Variants in MLLT3 observed in about 807,000 individuals in gnomAD.
MLLT3 encodes MLLT3 super elongation complex subunit, also known as protein AF-9.
Under a neutral mutation model 53.2 loss-of-function variants are expected in MLLT3, and 4 were observed. The ratio of observed to expected loss-of-function variants is 0.08; its 90% CI spans 0.04 to 0.17. MLLT3 has a LOEUF of 0.17. Ranked by LOEUF, MLLT3 falls within the 10% of genes least tolerant of loss-of-function variation. MLLT3 has a pLI of 1.00. For missense variants in MLLT3, 569 were observed against 684.0 expected, an observed-to-expected ratio of 0.83 and a Z score of 1.87; for synonymous variants, 283 against 230.6, an observed-to-expected ratio of 1.23 and a Z score of -2.06.
chr9:20,494,773 G>T (rs1586993876), intron 2 of MLLT3, among the ~76,000 whole-genome samples: 1 of 151,972 alleles, frequency 6.6e-6, no homozygotes, highest in Admixed American at 6.6e-5. Context: ...TACTCAAGGT[G>T]GTCCTGAGTT....
intron 2 of MLLT3, among the ~76,000 whole-genome samples, chr9:20,601,636 A>G (rs537990156): frequency 2.0e-5 from 3 of 152,322 alleles, no homozygotes; most frequent in East Asian, 1.9e-4. Context: ...TGTAGTTTCA[A>G]TGTGAGTACA....
At chr9:20,464,923 G>A (rs925587466) in intron 2 of MLLT3, among the ~76,000 whole-genome samples, 3 of 151,878 alleles carry the variant, frequency 2.0e-5, no homozygotes, top group South Asian at 2.1e-4. Flanking sequence ...TGATAATCTC[G>A]TTTCTCATAT....
intron 2 of MLLT3, among the ~76,000 whole-genome samples, chr9:20,549,544 T>C (rs1308523897): frequency 6.6e-6 from 1 of 152,202 alleles, no homozygotes; most frequent in Non-Finnish European, 1.5e-5. Context: ...GCAGGTACTT[T>C]ATGCGACCCA....
intron 2 of MLLT3, among the ~76,000 whole-genome samples, chr9:20,551,230 G>GA (rs1818918856): frequency 6.6e-6 from 1 of 152,184 alleles, no homozygotes; most frequent in Non-Finnish European, 1.5e-5. Context: ...GGCTCCCCAA[G>GA]AAAGAATAAT....
intron 5 of MLLT3, among the ~76,000 whole-genome samples, chr9:20,371,422 C>T (rs1399167590): frequency 1.3e-5 from 2 of 152,214 alleles, no homozygotes; most frequent in African/African-American, 4.8e-5. Context: ...GATAGGCTGA[C>T]ACTCTTTTTA....
At chr9:20,453,417 C>T (rs1017910310) in intron 3 of MLLT3, among the ~76,000 whole-genome samples, 93 of 152,010 alleles carry the variant, frequency 6.1e-4, no homozygotes, top group African/African-American at 2.2e-3. Flanking sequence ...AAAAATTAGC[C>T]GGGTCCGTGG....
intron 2 of MLLT3, among the ~76,000 whole-genome samples, chr9:20,484,874 C>T (rs1411654932): frequency 7.2e-5 from 11 of 152,060 alleles, no homozygotes; most frequent in South Asian, 2.1e-4. Context: ...ACATTTTGAA[C>T]GCAGTTAAAT....
intron 5 of MLLT3, among the ~76,000 whole-genome samples, chr9:20,406,437 AAT>A (rs1341022841): frequency 1.3e-5 from 2 of 152,256 alleles, no homozygotes; most frequent in Non-Finnish European, 2.9e-5. Context: ...GTAATGAAAG[AAT>A]ATTACAAACC....
intron 2 of MLLT3, among the ~76,000 whole-genome samples, chr9:20,563,788 G>A (rs935866847): frequency 6.6e-6 from 1 of 152,114 alleles, no homozygotes; most frequent in Non-Finnish European, 1.5e-5. Context: ...TGGGAAAGAC[G>A]TTGGCGTCCA....
In MLLT3 at chr9:20,369,121, A is replaced by C. The variant is rs190934161; in HGVS notation, c.1126-3377T>G. ...TTATAAAGCATCACAGGTAATGATG[A>C]TGCTGCAGGTCCAGGGACCAACCAT... On this transcript the variant is annotated intron_variant, in intron 5 of 10. Coordinates refer to ENST00000380338, the MANE Select transcript of MLLT3 (RefSeq NM_004529.4). Among the ~76,000 whole-genome samples, 854 of 152,320 alleles carry C rather than the reference A, an allele frequency of 5.6e-3. 9 individuals are homozygous for C. The highest frequency in any genetic ancestry group is 0.019 in the African/African-American group (810 of 41,570).
At chr9:20,412,894 G>T (rs1255595506) in intron 5 of MLLT3, among the ~76,000 whole-genome samples, 1 of 152,132 alleles carries the variant, frequency 6.6e-6, no homozygotes, top group African/African-American at 2.4e-5. Context: ...TACTACAGAG[G>T]TTAAAATAGA....
At chr9:20,443,297 T>G (rs988140071) in intron 4 of MLLT3, among the ~76,000 whole-genome samples, 1 of 152,210 alleles carries the variant, frequency 6.6e-6, no homozygotes, top group African/African-American at 2.4e-5. Context: ...GCTTGCCTAT[T>G]TTGTGCTTTC....
intron 2 of MLLT3, among the ~76,000 whole-genome samples, chr9:20,553,921 A>G (rs556610089): frequency 6.6e-6 from 1 of 152,276 alleles, no homozygotes; most frequent in African/African-American, 2.4e-5. Flanking sequence ...TACTAATTTG[A>G]GGAAAACTTC....
chr9:20,570,359 G>A (rs1286313638), intron 2 of MLLT3, among the ~76,000 whole-genome samples: 1 of 152,142 alleles, frequency 6.6e-6, no homozygotes, highest in African/African-American at 2.4e-5. Flanking sequence ...CAGAGTCAAA[G>A]TACTGTGTTT....
chr9:20,589,242 A>G (rs1820060633), intron 2 of MLLT3, among the ~76,000 whole-genome samples: 1 of 151,984 alleles, frequency 6.6e-6, no homozygotes, highest in African/African-American at 2.4e-5. Flanking sequence ...ACACCATGGA[A>G]TACTATGCAG....
chr9:20,438,818 C>T (rs1027435563), intron 4 of MLLT3, among the ~76,000 whole-genome samples: 64 of 152,104 alleles, frequency 4.2e-4, no homozygotes, highest in African/African-American at 1.4e-3. Context: ...ACCACAAGTT[C>T]ATGTAAAGGC....
chr9:20,553,571 A>G (rs547325400), intron 2 of MLLT3, among the ~76,000 whole-genome samples: 1 of 152,358 alleles, frequency 6.6e-6, no homozygotes, highest in South Asian at 2.1e-4. Flanking sequence ...CGATTTGTCT[A>G]TATAAGATCC....
chr9:20,413,278 C>G (rs1822778457), intron 5 of MLLT3, among the ~76,000 whole-genome samples: 1 of 152,138 alleles, frequency 6.6e-6, no homozygotes, highest in African/African-American at 2.4e-5. Flanking sequence ...TCAACATAAA[C>G]ATGTTACTTC....
chr9:20,366,202 C>A (rs1288701333), intron 5 of MLLT3, among the ~76,000 whole-genome samples: 1 of 152,162 alleles, frequency 6.6e-6, no homozygotes, highest in Non-Finnish European at 1.5e-5. Flanking sequence ...CTCCCCTAGC[C>A]CCTGACCCCT....
Sources: gnomAD v4.1 joint callset for allele counts (sites outside exome capture counted in the v4.1 genomes callset) on GRCh38, gnomAD v4.1.1 for gene constraint, MANE v1.5 for transcripts, NCBI Gene and HGNC (gene_info 2026-07-23, HGNC 2026-07-21) for gene names.